RASGEF1C: variants seen among roughly 807,000 people sequenced by gnomAD.
RASGEF1C encodes ras-GEF domain-containing family member 1C.
Under a neutral mutation model 58.1 loss-of-function variants are expected in RASGEF1C, and 27 were observed. The ratio of observed to expected loss-of-function variants is 0.46; its 90% CI spans 0.34 to 0.64. The LOEUF is 0.64. Among genes scored for constraint, RASGEF1C ranks in the 30% least tolerant of loss-of-function variants. The probability of loss-of-function intolerance (pLI) is 0.01; values close to 1 mark genes in which losing one functional copy is unlikely to be tolerated. For synonymous variants in RASGEF1C, 243 were observed against 246.3 expected, an observed-to-expected ratio of 0.99 and a Z score of 0.13; for missense variants, 502 against 605.1, an observed-to-expected ratio of 0.83 and a Z score of 1.79.
chr5:180,142,810 G>A (rs529765723), intron 1 of RASGEF1C, among the ~76,000 whole-genome samples: 4 of 152,240 alleles, frequency 2.6e-5, no homozygotes, highest in Non-Finnish European at 4.4e-5. Context: ...AGAGTCATTC[G>A]TCCAAGCTGA....
intron 12 of RASGEF1C, among the ~76,000 whole-genome samples, chr5:180,106,827 T>C (rs1187769641): frequency 6.6e-6 from 1 of 152,246 alleles, no homozygotes; most frequent in Non-Finnish European, 1.5e-5. Context: ...TTGCTGATTT[T>C]CTGTCTAGTT....
At chr5:180,136,991 G>A (rs553371646) in intron 3 of RASGEF1C, among the ~76,000 whole-genome samples, 11 of 152,316 alleles carry the variant, frequency 7.2e-5, no homozygotes, top group African/African-American at 2.4e-4. Flanking sequence ...AGGTGAGCCT[G>A]GTGCGGTGGA....
chr5:180,183,350 T>C (rs1337957298), intron 1 of RASGEF1C, among the ~76,000 whole-genome samples: 1 of 152,170 alleles, frequency 6.6e-6, no homozygotes, highest in Non-Finnish European at 1.5e-5. Flanking sequence ...TTTAATGTTT[T>C]GGGTAGCAAC....
At chr5:180,117,966 C>T (rs943310255) in intron 10 of RASGEF1C, among the ~76,000 whole-genome samples, 2 of 145,758 alleles carry the variant, frequency 1.4e-5, no homozygotes, top group Non-Finnish European at 3.0e-5. Context: ...TGCACTCCAG[C>T]CTGGGCGACA....
chr5:180,101,354 G>C lies in RASGEF1C; in HGVS notation c.*147C>G, dbSNP rs1380876590. 10 of 492,452 alleles carry C rather than the reference G, an allele frequency of 2.0e-5. No homozygotes were observed. The highest frequency in any genetic ancestry group is 5.4e-5 in the South Asian group (2 of 36,776). 30.5% of individuals were successfully genotyped at this position (492,452 alleles called of 1,614,324 possible). A position where few individuals can be genotyped will look rare whatever the true frequency, so the allele number is the denominator to read the frequency against. ...TCCTGTGCCCGTATGGCCACTGTGG[G>C]GGGGGGGGGGGCGGGCAGCAGGCCA... On this transcript the variant is annotated 3_prime_UTR_variant, in exon 14 of 14. Coordinates refer to ENST00000361132, the MANE Select transcript of RASGEF1C (RefSeq NM_175062.4).
At chr5:180,174,476 GTGTC>G (rs1358438668) in intron 1 of RASGEF1C, among the ~76,000 whole-genome samples, 3 of 85,104 alleles carry the variant, frequency 3.5e-5, no homozygotes, top group Admixed American at 1.4e-4. Context: ...GTGTGTATGT[GTGTC>G]TGTGTGTGCG....
At chr5:180,208,633 G>C (rs1006810148) in intron 1 of RASGEF1C, among the ~76,000 whole-genome samples, 7 of 152,130 alleles carry the variant, frequency 4.6e-5, no homozygotes, top group African/African-American at 1.7e-4. Context: ...CACGTGCACC[G>C]GCAGGTCTGC....
chr5:180,136,689 G>C (rs1039204905), intron 3 of RASGEF1C, 174 bp from the exon 4 acceptor site: 13 of 646,262 alleles, frequency 2.0e-5, no homozygotes, highest in Admixed American at 1.5e-4. Flanking sequence ...GAGAGGAGGG[G>C]GGACGGACAC....
chr5:180,193,561 T>C (rs1162928596), intron 1 of RASGEF1C, among the ~76,000 whole-genome samples: 1 of 152,058 alleles, frequency 6.6e-6, no homozygotes, highest in Non-Finnish European at 1.5e-5. Context: ...ACAGGACAAG[T>C]GTTCCCATCC....
chr5:180,203,850 G>A (rs569215556), intron 1 of RASGEF1C, among the ~76,000 whole-genome samples: 148 of 152,100 alleles, frequency 9.7e-4, no homozygotes, highest in Non-Finnish European at 1.5e-3. Flanking sequence ...TAACTTAACC[G>A]GGCATGGTGG....
At chr5:180,174,527 T>C (rs1013120127) in intron 1 of RASGEF1C, among the ~76,000 whole-genome samples, 3 of 149,058 alleles carry the variant, frequency 2.0e-5, no homozygotes, top group African/African-American at 7.5e-5. Context: ...TACACACGTG[T>C]GTCTCTGTGT....
intron 8 of RASGEF1C, 145 bp from the exon 9 acceptor site, chr5:180,119,011 G>A (rs1037831949): frequency 1.3e-6 from 1 of 743,434 alleles, no homozygotes; most frequent in Non-Finnish European, 2.3e-6. Context: ...GGGGGTGCTG[G>A]TGGACATCAT....
intron 1 of RASGEF1C, among the ~76,000 whole-genome samples, chr5:180,145,989 C>T (rs550663057): frequency 3.4e-4 from 52 of 152,272 alleles, no homozygotes; most frequent in Non-Finnish European, 6.9e-4. Flanking sequence ...TTCTCCTATT[C>T]GGTAGGTTAT....
At chr5:180,121,668 CA>C (rs1561734498) in intron 6 of RASGEF1C, among the ~76,000 whole-genome samples, 2 of 120,284 alleles carry the variant, frequency 1.7e-5, no homozygotes. Flanking sequence ...CACACACACA[CA>C]CACACACACA....
chr5:180,175,728 G>A (rs146095663), intron 1 of RASGEF1C, among the ~76,000 whole-genome samples: 54 of 152,246 alleles, frequency 3.5e-4, no homozygotes, highest in African/African-American at 1.3e-3. Context: ...GGCCGGGCGC[G>A]GTGGCTCACG....
At chr5:180,134,586 C>G (rs961697803) in intron 4 of RASGEF1C, among the ~76,000 whole-genome samples, 5 of 151,574 alleles carry the variant, frequency 3.3e-5, no homozygotes, top group African/African-American at 1.2e-4. Flanking sequence ...TACCACCCAC[C>G]TCCCCTTTTA....
At chr5:180,136,356 C>T (rs1161285706) in intron 4 of RASGEF1C, 22 bp downstream of exon 4, 2 of 1,546,104 alleles carry the variant, frequency 1.3e-6, no homozygotes, top group African/African-American at 1.4e-5. Context: ...CAGGGTGACG[C>T]GACCCCCGCC....
At chr5:180,179,485 G>A (rs908920948) in intron 1 of RASGEF1C, among the ~76,000 whole-genome samples, 6 of 152,146 alleles carry the variant, frequency 3.9e-5, no homozygotes, top group Admixed American at 2.0e-4. Context: ...GGACAGGGGC[G>A]TGAAGGCAGA....
intron 1 of RASGEF1C, 126 bp from the exon 2 acceptor site, chr5:180,138,184 C>G: frequency 1.8e-6 from 1 of 561,924 alleles, no homozygotes; most frequent in Non-Finnish European, 3.0e-6. Context: ...TTTGTGCCAG[C>G]TTGAGTCCAG....
Sources: gnomAD v4.1 joint callset for allele counts (sites outside exome capture counted in the v4.1 genomes callset) on GRCh38, gnomAD v4.1.1 for gene constraint, MANE v1.5 for transcripts, NCBI Gene and HGNC (gene_info 2026-07-23, HGNC 2026-07-21) for gene names.